RCAN2: variants seen among roughly 807,000 people sequenced by gnomAD.
RCAN2 encodes calcipressin-2.
In RCAN2, 9 loss-of-function variants were observed where a neutral mutation model predicts 23.6. The observed-to-expected ratio is 0.38, with a 90% confidence interval of 0.23 to 0.67. The LOEUF (loss-of-function observed/expected upper bound fraction) is 0.67, where lower values mean the gene tolerates loss of function less well. Ranked by LOEUF, RCAN2 falls within the 30% of genes least tolerant of loss-of-function variation. RCAN2 has a pLI of 0.51. For missense variants in RCAN2, 273 were observed against 302.3 expected, an observed-to-expected ratio of 0.90 and a Z score of 0.72; for synonymous variants, 109 against 115.7, an observed-to-expected ratio of 0.94 and a Z score of 0.37.
At chr6:46,322,963 C>CT (rs1457306087) in intron 2 of RCAN2, among the ~76,000 whole-genome samples, 1 of 152,174 alleles carries the variant, frequency 6.6e-6, no homozygotes, top group African/African-American at 2.4e-5. Flanking sequence ...CATTTTCCCC[C>CT]TTTTTAATAA....
At chr6:46,358,211 C>A (rs947075326) in intron 2 of RCAN2, among the ~76,000 whole-genome samples, 1 of 152,130 alleles carries the variant, frequency 6.6e-6, no homozygotes, top group African/African-American at 2.4e-5. Flanking sequence ...CTGCAGAAAT[C>A]CTTTCTCCTA....
intron 2 of RCAN2, among the ~76,000 whole-genome samples, chr6:46,320,171 C>T (rs999305930): frequency 6.6e-6 from 1 of 152,170 alleles, no homozygotes; most frequent in African/African-American, 2.4e-5. Context: ...AGCCATAGGT[C>T]ATGATTGGTT....
chr6:46,290,246 T>C (rs1443001989), intron 2 of RCAN2, among the ~76,000 whole-genome samples: 1 of 152,178 alleles, frequency 6.6e-6, no homozygotes, highest in African/African-American at 2.4e-5. Context: ...ACTCTAAGAA[T>C]ATGCAGGAAA....
At chr6:46,458,612 T>C (rs1025774338) in intron 1 of RCAN2, among the ~76,000 whole-genome samples, 1 of 152,126 alleles carries the variant, frequency 6.6e-6, no homozygotes. Context: ...ATATGGTACA[T>C]GTTTTATTAA....
intron 2 of RCAN2, among the ~76,000 whole-genome samples, chr6:46,416,965 C>G (rs1164289295): frequency 2.0e-5 from 3 of 152,148 alleles, no homozygotes; most frequent in Non-Finnish European, 4.4e-5. Flanking sequence ...ACAGCATTTA[C>G]CATTGCATAA....
intron 2 of RCAN2, among the ~76,000 whole-genome samples, chr6:46,390,808 C>T (rs919480389): frequency 3.9e-5 from 6 of 152,172 alleles, no homozygotes; most frequent in Non-Finnish European, 7.4e-5. Context: ...GTATATCGAT[C>T]TTGGAAAAGT....
chr6:46,412,673 C>G (rs969312494), intron 2 of RCAN2, among the ~76,000 whole-genome samples: 1 of 152,020 alleles, frequency 6.6e-6, no homozygotes, highest in Non-Finnish European at 1.5e-5. Context: ...CTTGAGAGGT[C>G]AAGAAGGATA....
At chr6:46,358,586 G>C (rs1764909637) in intron 2 of RCAN2, among the ~76,000 whole-genome samples, 1 of 152,188 alleles carries the variant, frequency 6.6e-6, no homozygotes, top group Non-Finnish European at 1.5e-5. Flanking sequence ...CGCTACACTT[G>C]ATGAGTGACT....
At chr6:46,284,105 A>T (rs1762293490) in intron 2 of RCAN2, among the ~76,000 whole-genome samples, 1 of 152,206 alleles carries the variant, frequency 6.6e-6, no homozygotes, top group African/African-American at 2.4e-5. Flanking sequence ...TTTTTAATAA[A>T]TGAGAAATAG....
chr6:46,275,032 G>A (rs113145171), intron 2 of RCAN2, among the ~76,000 whole-genome samples: 5 of 152,240 alleles, frequency 3.3e-5, no homozygotes, highest in African/African-American at 1.2e-4. Flanking sequence ...ATTTAAACAA[G>A]GTCACTGTCA....
At chr6:46,350,432 G>A (rs1764613136) in intron 2 of RCAN2, among the ~76,000 whole-genome samples, 1 of 152,166 alleles carries the variant, frequency 6.6e-6, no homozygotes, top group African/African-American at 2.4e-5. Context: ...GCTTTATCAC[G>A]AAGGCAGGTT....
intron 2 of RCAN2, among the ~76,000 whole-genome samples, chr6:46,339,972 G>A (rs1349321641): frequency 6.6e-6 from 1 of 151,928 alleles, no homozygotes; most frequent in East Asian, 1.9e-4. Context: ...TACAGCTGCT[G>A]CCCCACTAGA....
Position 46,377,461 on chromosome 6 carries a change from G to A in RCAN2, c.225+79291C>T, listed in dbSNP as rs909073028. Among the ~76,000 whole-genome samples the A allele has an allele frequency of 3.9e-5, 6 of 152,264 alleles. No individual in the cohort carries two copies. In the South Asian group the frequency reaches 8.3e-4, roughly 21 times the overall value. ...TACCAGGGTCAGTCAGCTGTGAAAC[G>A]TAGCCCCAAGTAAAAAACTAAAGAG... On this transcript the variant is annotated intron_variant, in intron 2 of 4. Transcript: ENST00000371374.
chr6:46,489,910 A>G (rs1481494163), intron 1 of RCAN2, among the ~76,000 whole-genome samples: 6 of 152,212 alleles, frequency 3.9e-5, no homozygotes, highest in Admixed American at 2.0e-4. Flanking sequence ...AAGAAAATCA[A>G]TGACTACACT....
intron 2 of RCAN2, among the ~76,000 whole-genome samples, chr6:46,250,994 ACTCTT>A (rs1355089452): frequency 5.9e-5 from 9 of 151,822 alleles, no homozygotes; most frequent in Admixed American, 2.6e-4. Context: ...GTCTGCCCAC[ACTCTT>A]CTCTTTTATA....
chr6:46,447,437 T>G (rs537975052), intron 2 of RCAN2, among the ~76,000 whole-genome samples: 1 of 151,880 alleles, frequency 6.6e-6, no homozygotes, highest in South Asian at 2.1e-4. Context: ...GGATAGATAA[T>G]CCAGACAGAA....
chr6:46,263,545 G>GTA (rs1561834113), intron 2 of RCAN2, among the ~76,000 whole-genome samples: 52 of 62,730 alleles, frequency 8.3e-4, no homozygotes, highest in African/African-American at 1.5e-3. Flanking sequence ...GTGTATGTGT[G>GTA]TGTGTGTGTG....
At chr6:46,337,255 G>A (rs1053909647) in intron 2 of RCAN2, among the ~76,000 whole-genome samples, 1 of 152,140 alleles carries the variant, frequency 6.6e-6, no homozygotes. Flanking sequence ...ACTAATTAAG[G>A]AAGAATATTA....
At chr6:46,299,063 G>A (rs1762823349) in intron 2 of RCAN2, among the ~76,000 whole-genome samples, 1 of 151,940 alleles carries the variant, frequency 6.6e-6, no homozygotes, top group Non-Finnish European at 1.5e-5. Flanking sequence ...GAATACACAG[G>A]GACATAATGA....
Sources: gnomAD v4.1 joint callset for allele counts (sites outside exome capture counted in the v4.1 genomes callset) on GRCh38, gnomAD v4.1.1 for gene constraint, MANE v1.5 for transcripts, NCBI Gene and HGNC (gene_info 2026-07-23, HGNC 2026-07-21) for gene names.